SLC25A12: variants seen among roughly 807,000 people sequenced by gnomAD.
The protein encoded by SLC25A12 is solute carrier family 25 member 12.
SLC25A12 carries 32 observed loss-of-function variants against 83.3 expected under a neutral mutation model. The ratio of observed to expected loss-of-function variants is 0.38; its 90% confidence interval spans 0.29 to 0.52. The LOEUF (loss-of-function observed/expected upper bound fraction) is 0.52, where lower values mean the gene tolerates loss of function less well. SLC25A12 is among the 20% of genes least tolerant of loss of function. SLC25A12 has a pLI of 0.84. For synonymous variants in SLC25A12, 267 were observed against 291.1 expected, an observed-to-expected ratio of 0.92 and a Z score of 0.84; for missense variants, 611 against 835.6, an observed-to-expected ratio of 0.73 and a Z score of 3.31.
chr2:171,807,937 A>G (rs1176583749), intron 13 of SLC25A12, among the ~76,000 whole-genome samples: 1 of 152,186 alleles, frequency 6.6e-6, no homozygotes, highest in Non-Finnish European at 1.5e-5. Flanking sequence ...ATCAAAGAGA[A>G]TCTGGAGCAA....
chr2:171,867,009 C>T (rs1249794951), intron 3 of SLC25A12, among the ~76,000 whole-genome samples: 2 of 149,012 alleles, frequency 1.3e-5, no homozygotes, highest in African/African-American at 4.9e-5. Context: ...CGCGGCTGGG[C>T]AGAGGCGCTC....
intron 4 of SLC25A12, among the ~76,000 whole-genome samples, chr2:171,855,448 G>C (rs549826691): frequency 6.6e-6 from 1 of 152,088 alleles, no homozygotes. Flanking sequence ...ATTTTCCAAG[G>C]ATGCTACAAG....
At chr2:171,793,070 G>A (rs118042260) in intron 14 of SLC25A12, among the ~76,000 whole-genome samples, 2,827 of 151,672 alleles carry the variant, frequency 0.019, 56 homozygotes, top group Admixed American at 0.067. Context: ...CCGCAGGGAA[G>A]GAATCTTTTG....
chr2:171,833,901 A>G, intron 8 of SLC25A12, 62 bp downstream of exon 8: 1 of 970,880 alleles, frequency 1.0e-6, no homozygotes, highest in Admixed American at 1.7e-5. Context: ...AAAGGACACC[A>G]CTGCTTCACA....
chr2:171,843,923 G>A (rs1684736894), intron 5 of SLC25A12, among the ~76,000 whole-genome samples: 1 of 149,208 alleles, frequency 6.7e-6, no homozygotes, highest in Non-Finnish European at 1.5e-5. Context: ...AGCCTCCCAA[G>A]TAGCTAGGAC....
intron 3 of SLC25A12, among the ~76,000 whole-genome samples, chr2:171,866,975 C>T (rs1199218151): frequency 6.8e-6 from 1 of 147,500 alleles, no homozygotes; most frequent in African/African-American, 2.5e-5. Context: ...CAGGCAGAGA[C>T]GCTCCTCACC....
intron 17 of SLC25A12, among the ~76,000 whole-genome samples, chr2:171,787,159 A>G (rs1690503911): frequency 6.6e-6 from 1 of 152,056 alleles, no homozygotes; most frequent in African/African-American, 2.4e-5. Context: ...TCCCATCTCT[A>G]TAAAAAAGTA....
chr2:171,819,174 ATATATG>A (rs1301362546), intron 9 of SLC25A12, among the ~76,000 whole-genome samples: 1 of 137,976 alleles, frequency 7.2e-6, no homozygotes, highest in Non-Finnish European at 1.5e-5. Context: ...AATACGTATT[ATATATG>A]TATAATACGT....
Position 171,834,793 on chromosome 2 carries a change from T to C in SLC25A12, c.685A>G (p.Met229Val), listed in dbSNP as rs1558924731. 6.2e-7 allele frequency: 1 copy of C among 1,613,998 alleles called. No homozygotes were observed. The highest frequency in any genetic ancestry group is 2.2e-5 in the East Asian group (1 of 44,866). The part of the protein sequence containing the change: ...FNAFNSLLNN[M>V]ELVRKIYSTL... ...CTATATATCTTACGAACAAGCTCCATGTTATTCAGTAACGAGTTAAATGCA... is the reference window on the plus strand; with the variant it reads ...CTATATATCTTACGAACAAGCTCCACGTTATTCAGTAACGAGTTAAATGCA... The change falls in exon 7 of 18, where the codon ATG becomes GTG. Residue 229 changes from methionine (M) to valine (V), a missense_variant. Physicochemically the swap from Met to Val is conservative, Grantham distance 21. Coordinates refer to ENST00000422440, the MANE Select transcript of SLC25A12 (RefSeq NM_003705.5).
At chr2:171,831,844 G>T (rs552297504) in intron 8 of SLC25A12, among the ~76,000 whole-genome samples, 1 of 151,634 alleles carries the variant, frequency 6.6e-6, no homozygotes, top group East Asian at 1.9e-4. Flanking sequence ...GGTTGCAGTG[G>T]GCTGAGATCA....
chr2:171,859,169 G>A (rs1175394434), intron 3 of SLC25A12, among the ~76,000 whole-genome samples: 1 of 152,090 alleles, frequency 6.6e-6, no homozygotes, highest in Non-Finnish European at 1.5e-5. Context: ...GCATTAGTAA[G>A]TAGACCACTA....
chr2:171,841,745 G>T (rs1325607072), intron 5 of SLC25A12, among the ~76,000 whole-genome samples: 1 of 152,140 alleles, frequency 6.6e-6, no homozygotes. Context: ...GCCATTGCAG[G>T]AAGTATTCTA....
At chr2:171,875,362 C>T (rs1685542334) in intron 2 of SLC25A12, among the ~76,000 whole-genome samples, 1 of 152,164 alleles carries the variant, frequency 6.6e-6, no homozygotes, top group African/African-American at 2.4e-5. Flanking sequence ...TCATTCTTTC[C>T]TTGCTTTGCT....
chr2:171,849,274 C>T (rs1684863547), intron 4 of SLC25A12, among the ~76,000 whole-genome samples: 1 of 150,322 alleles, frequency 6.7e-6, no homozygotes, highest in Non-Finnish European at 1.5e-5. Context: ...CATCAAACAG[C>T]ATAAAAACTA....
At chr2:171,854,758 G>A (rs1264692563) in intron 4 of SLC25A12, among the ~76,000 whole-genome samples, 1 of 152,114 alleles carries the variant, frequency 6.6e-6, no homozygotes, top group African/African-American at 2.4e-5. Context: ...TCACCACTTT[G>A]ACCATTGCAG....
chr2:171,844,647 T>G (rs2271758), intron 4 of SLC25A12, 139 bp from the exon 5 acceptor site: 346,495 of 619,952 alleles, frequency 0.56, 101,749 homozygotes, highest in East Asian at 0.7. Context: ...TGCAATTTTT[T>G]TGTGTGCCCA....
At chr2:171,855,710 T>C (rs1685032043) in intron 4 of SLC25A12, 124 bp downstream of exon 4, 2 of 745,092 alleles carry the variant, frequency 2.7e-6, no homozygotes, top group Non-Finnish European at 4.9e-6. Context: ...ATAAATCCTT[T>C]TAGGAAATTC....
chr2:171,822,364 A>T (rs1684210838), intron 9 of SLC25A12, among the ~76,000 whole-genome samples: 1 of 152,138 alleles, frequency 6.6e-6, no homozygotes, highest in South Asian at 2.1e-4. Flanking sequence ...ACAATCCTAT[A>T]AAGATGCATA....
Position 171,794,824 on chromosome 2 carries a change from A to G in SLC25A12, c.1306-1057T>C, listed in dbSNP as rs146393992. On this transcript the variant is annotated intron_variant, in intron 13 of 17. Transcript: ENST00000422440. The stretch of plus-strand genomic sequence containing the variant: ...ATTCATATCATTATAATCATTGTAT[A>G]TAATCACATGTGAAATATGAAATCT... 1.4e-4 allele frequency among the ~76,000 whole-genome samples: 21 copies of G among 152,352 alleles called. No homozygotes were observed. The East Asian group carries it at 3.7e-3, about 27-fold the overall frequency.
Sources: allele counts gnomAD v4.1 joint callset (sites outside exome capture counted in the v4.1 genomes callset), GRCh38; gene constraint gnomAD v4.1.1; transcripts MANE v1.5; gene names NCBI Gene and HGNC (gene_info 2026-07-23, HGNC 2026-07-21).